The following TDRD1 variants were observed in gnomAD, a reference collection of about 807,000 sequenced individuals.
TDRD1 encodes tudor domain-containing protein 1.
TDRD1 carries 37 observed loss-of-function variants against 140.6 expected under a neutral mutation model. The observed-to-expected ratio is 0.26, with a 90% CI of 0.20 to 0.35. TDRD1 has a LOEUF of 0.35. Among genes scored for constraint, TDRD1 ranks in the 10% least tolerant of loss-of-function variants. The probability of loss-of-function intolerance (pLI) is 1.00; values close to 1 mark genes in which losing one functional copy is unlikely to be tolerated. For missense variants in TDRD1, 1,243 were observed against 1,393.0 expected (o/e 0.89, Z 1.71); for synonymous variants, 506 against 475.7 (o/e 1.06, Z -0.83).
At position 114,192,292 on chromosome 10, in the gene TDRD1, C is replaced by CTTTTTTTTTTTTTTTTTTTTTTTTTTTTT. The variant is rs938140798; in HGVS notation, c.384+1274_384+1302dup. 2.7e-5 allele frequency among the ~76,000 whole-genome samples: 2 copies of CTTTTTTTTTTTTTTTTTTTTTTTTTTTTT among 75,112 alleles called. 1 individual carries two copies. The allele number at this position is 75,112 out of a possible 152,430, so 49.3% of individuals were successfully genotyped here. A position where few individuals can be genotyped will look rare whatever the true frequency, so the allele number is the denominator to read the frequency against. ...TCCCCAAAAAAGTTTGATAGTTTTC[C>CTTTTTTTTTTTTTTTTTTTTTTTTTTTTT]TTTTTTTTTTTTTTTTTTTTTTTTT... On this transcript the variant is annotated intron_variant, in intron 3 of 25. Transcript: ENST00000251864.
At position 114,206,904 on chromosome 10, in the gene TDRD1, C is replaced by G. The variant is rs967847826; in HGVS notation, c.1384+574C>G. Among the ~76,000 whole-genome samples the G allele has an allele frequency of 3.9e-5, 6 of 152,220 alleles. No homozygotes were observed. In the East Asian group the frequency reaches 1.2e-3, roughly 29 times the overall value. On this transcript the variant is annotated intron_variant, in intron 11 of 25. Transcript: ENST00000251864. ...GTGCTGGGATTACAGGCGTGAGCCA[C>G]TACGCCCTGCCAAGTTAGGGCTTTT...
chr10:114,201,486 C>T (rs2034735933), exon 5 of TDRD1: 1 of 1,613,912 alleles, frequency 6.2e-7, no homozygotes, highest in Non-Finnish European at 8.5e-7. Flanking sequence ...GGTCTGCACA[C>T]AGCATCGTGT....
chr10:114,208,533 A>C (rs2035273486), intron 11 of TDRD1, among the ~76,000 whole-genome samples: 1 of 152,072 alleles, frequency 6.6e-6, no homozygotes. Context: ...CGACATCACC[A>C]TGCTTTTGTC....
chr10:114,206,885 G>A (rs1349301048), intron 11 of TDRD1, among the ~76,000 whole-genome samples: 1 of 152,132 alleles, frequency 6.6e-6, no homozygotes, highest in Non-Finnish European at 1.5e-5. Flanking sequence ...CAAAGTGCTG[G>A]GATTACAGGC....
chr10:114,188,382 C>A (rs2033700657), intron 2 of TDRD1, among the ~76,000 whole-genome samples: 1 of 152,136 alleles, frequency 6.6e-6, no homozygotes, highest in Admixed American at 6.6e-5. Context: ...TGAGCTTTTT[C>A]CCCACAGAGG....
At chr10:114,196,831 G>GTTTT (rs1301969120) in intron 3 of TDRD1, among the ~76,000 whole-genome samples, 11 of 57,136 alleles carry the variant, frequency 1.9e-4, no homozygotes, top group African/African-American at 1.2e-3. Flanking sequence ...GTTTCTAGCA[G>GTTTT]TCTTTTTTTT....
intron 1 of TDRD1, among the ~76,000 whole-genome samples, chr10:114,185,610 G>A (rs949021661): frequency 3.9e-5 from 6 of 152,000 alleles, no homozygotes; most frequent in South Asian, 2.1e-4. Context: ...ATTTCAAGGC[G>A]GAGTTTTGCT....
chr10:114,188,713 C>T (rs530032323), intron 2 of TDRD1, among the ~76,000 whole-genome samples: 10 of 151,932 alleles, frequency 6.6e-5, no homozygotes, highest in East Asian at 3.9e-4. Flanking sequence ...AGAAACTAGC[C>T]GGGCGTGGTG....
chr10:114,204,246 A>G (rs768844773), intron 9 of TDRD1, 30 bp downstream of exon 9: 7 of 1,563,826 alleles, frequency 4.5e-6, no homozygotes, highest in East Asian at 4.5e-5. Context: ...TAGATTTTTA[A>G]TAGTGTCCCA....
chr10:114,228,929 C>A, intron 25 of TDRD1: 1 of 248,282 alleles, frequency 4.0e-6, no homozygotes, highest in Non-Finnish European at 6.4e-6. Flanking sequence ...ACTTAAAATA[C>A]AAAATTAGCT....
chr10:114,228,042 A>T (rs201463872), exon 25 of TDRD1: 379 of 1,610,076 alleles, frequency 2.4e-4, no homozygotes, highest in South Asian at 2.3e-3. Context: ...CCACAGGTTG[A>T]AAAACATGAA....
At chr10:114,187,024 G>A (rs1287159206) in intron 1 of TDRD1, among the ~76,000 whole-genome samples, 1 of 152,262 alleles carries the variant, frequency 6.6e-6, no homozygotes, top group East Asian at 1.9e-4. Context: ...GAAAGAAGAG[G>A]TGTTCGTCCC....
chr10:114,195,828 C>T (rs1445760553), intron 3 of TDRD1, among the ~76,000 whole-genome samples: 3 of 152,080 alleles, frequency 2.0e-5, no homozygotes, highest in Middle Eastern at 3.4e-3. Context: ...GTTCTTTTTT[C>T]CTGCCTTCTT....
chr10:114,215,361 A>G (rs916487596), intron 16 of TDRD1, among the ~76,000 whole-genome samples: 3 of 152,146 alleles, frequency 2.0e-5, no homozygotes, highest in African/African-American at 7.2e-5. Context: ...TGTGAACATT[A>G]CAGCATATCT....
rs532834219 is a variant in TDRD1, at chr10:114,201,552, T to C, written c.635+37T>C. On this transcript the variant is annotated intron_variant, in intron 5 of 25. Transcript: ENST00000251864. ...TGATCTTTTTATTCATTAAGGATTA[T>C]GTAAAAGGTTCTGATACAATAAGCG... 3.2e-6 allele frequency: 5 copies of C among 1,560,924 alleles called. No individual in the cohort carries two copies. The African/African-American group carries it at 4.1e-5, about 13-fold the overall frequency.
chr10:114,193,699 A>T (rs546214431), intron 3 of TDRD1, among the ~76,000 whole-genome samples: 20 of 152,264 alleles, frequency 1.3e-4, no homozygotes, highest in Admixed American at 5.2e-4. Flanking sequence ...TATGCCTTTG[A>T]TTTCCTTTCT....
At chr10:114,187,858 G>T in exon 2 of TDRD1, 1 of 1,599,214 alleles carries the variant, frequency 6.3e-7, no homozygotes, top group Non-Finnish European at 8.5e-7. Flanking sequence ...CATTTAATGT[G>T]ATGTCAAGAA....
rs547541527 is a variant in TDRD1 at position 114,204,320 on chromosome 10, G to A, written c.1125+104G>A. The stretch of plus-strand genomic sequence containing the variant: ...GCTTGTTCTATTCTGCTGTGTTACT[G>A]TACCTGTACTATGTAAATAAACACT... On this transcript the variant is annotated intron_variant, in intron 9 of 25. Transcript: ENST00000251864. 3.1e-5 allele frequency: 39 copies of A among 1,242,310 alleles called. 1 individual carries two copies. The South Asian group carries it at 5.9e-4, about 19-fold the overall frequency. 77.0% of individuals were successfully genotyped at this position (1,242,310 alleles called of 1,614,324 possible). A position where few individuals can be genotyped will look rare whatever the true frequency, so the allele number is the denominator to read the frequency against.
At chr10:114,178,731 G>C (rs973802339), upstream of TDRD1, among the ~76,000 whole-genome samples, 1 of 152,084 alleles carries the variant, frequency 6.6e-6, no homozygotes, top group Non-Finnish European at 1.5e-5. Context: ...TACAATTCTC[G>C]GATTTGCTTC....
Sources: allele counts gnomAD v4.1 joint callset (sites outside exome capture counted in the v4.1 genomes callset), GRCh38; gene constraint gnomAD v4.1.1; transcripts MANE v1.5; gene names NCBI Gene and HGNC (gene_info 2026-07-23, HGNC 2026-07-21).